The following PAK3 variants were observed in gnomAD, a reference collection of about 807,000 sequenced individuals.
PAK3 encodes the protein serine/threonine-protein kinase PAK 3.
In PAK3, 4 loss-of-function variants were observed where a neutral mutation model predicts 41.0. The observed-to-expected ratio is 0.10, with a 90% CI of 0.05 to 0.22. The LOEUF (loss-of-function observed/expected upper bound fraction) is 0.22. Among genes scored for constraint, PAK3 ranks in the 10% least tolerant of loss-of-function variants. The pLI is 1.00. For missense variants in PAK3, 205 were observed against 409.9 expected (o/e 0.50, Z 4.32); for synonymous variants, 146 against 139.6 (o/e 1.05, Z -0.32).
At chrX:111,120,812 T>C (rs1313040034) in intron 4 of PAK3, among the ~76,000 whole-genome samples, 2 of 112,204 alleles carry the variant, frequency 1.8e-5, no homozygotes, top group Non-Finnish European at 3.8e-5. Flanking sequence ...TATACATATT[T>C]ATGTAATAAT....
intron 1 of PAK3, among the ~76,000 whole-genome samples, chrX:111,071,189 C>A (rs2092741376): frequency 8.9e-6 from 1 of 111,998 alleles, no homozygotes; most frequent in Non-Finnish European, 1.9e-5. Context: ...TCCTTGCTTA[C>A]ACCATTCAGC....
At chrX:110,966,426 A>G (rs746985353) in intron 1 of PAK3, among the ~76,000 whole-genome samples, 15 of 110,607 alleles carry the variant, frequency 1.4e-4, no homozygotes, top group African/African-American at 4.9e-4. Flanking sequence ...AAAGGGAGGG[A>G]CTCAAAAAAG....
chrX:111,167,048 T>TAA (rs774476640), intron 10 of PAK3, among the ~76,000 whole-genome samples: 1 of 111,819 alleles, frequency 8.9e-6, no homozygotes, highest in East Asian at 2.8e-4. Flanking sequence ...CTAAATAAGT[T>TAA]AAAGTATATA....
At chrX:111,210,573 A>G (rs935314272) in intron 16 of PAK3, among the ~76,000 whole-genome samples, 8 of 111,884 alleles carry the variant, frequency 7.2e-5, no homozygotes, top group African/African-American at 2.6e-4. Context: ...GAGCTTTAAT[A>G]CTTATGTATA....
chrX:111,137,860 G>C (rs772226370), intron 5 of PAK3, among the ~76,000 whole-genome samples: 7 of 111,456 alleles, frequency 6.3e-5, no homozygotes, highest in Non-Finnish European at 1.3e-4. Flanking sequence ...TTGGACTTCT[G>C]CTCTCTGCAA....
At position 111,225,722 on chromosome X, in the gene PAK3, G is replaced by A. The variant is rs1157149472; in HGVS notation, c.*5275G>A. The A allele has an allele frequency of 8.9e-6, 1 of 111,820 alleles. No homozygotes were observed. Among genetic ancestry groups the A allele is most frequent in the African/African-American group, 3.3e-5 (1 of 30,689 alleles). The allele number at this position is 111,820 out of a possible 1,213,427, so 9.2% of individuals were successfully genotyped here. A position where few individuals can be genotyped will look rare whatever the true frequency, so the allele number is the denominator to read the frequency against. On this transcript the variant is annotated 3_prime_UTR_variant, in exon 18 of 18. Coordinates refer to ENST00000372007, the MANE Select transcript of PAK3 (RefSeq NM_002578.5). ...CCTCATCTGTAAAATAAGTGTATTG[G>A]ACTAGATGATCCTTAGGGTCTTTCC...
At chrX:111,091,521 C>T (rs1395410275), upstream of PAK3, among the ~76,000 whole-genome samples, 1 of 112,010 alleles carries the variant, frequency 8.9e-6, no homozygotes, top group Non-Finnish European at 1.9e-5. Context: ...CCTGGGTTTC[C>T]TGATTTCCAG....
chrX:111,022,820 A>C (rs969805260), intron 1 of PAK3, among the ~76,000 whole-genome samples: 2 of 111,076 alleles, frequency 1.8e-5, no homozygotes, highest in Admixed American at 9.6e-5. Flanking sequence ...ATTCACATAA[A>C]CTTAAGGTAA....
Position 110,951,892 on chromosome X carries a change from A to T in PAK3, c.-28+7264A>T, listed in dbSNP as rs943795545. Among the ~76,000 whole-genome samples the T allele has an allele frequency of 2.7e-5, 3 of 112,187 alleles. No homozygotes were observed. The Admixed American group carries it at 2.8e-4, about 11-fold the overall frequency. ...CTTTAGAGCTCTATCTCATCTTAAG[A>T]CACTTGGAAAAAATCTACTGCTGCA... On this transcript the variant is annotated intron_variant, in intron 1 of 14. Coordinates refer to the PAK3 transcript ENST00000425146.
At chrX:111,169,217 A>G in intron 10 of PAK3, 1 of 221,477 alleles carries the variant, frequency 4.5e-6, no homozygotes, top group South Asian at 7.0e-5. Context: ...CTAAAAGGCA[A>G]TATCAAATAC....
intron 1 of PAK3, among the ~76,000 whole-genome samples, chrX:111,023,757 A>G (rs1377646936): frequency 9.0e-6 from 1 of 111,452 alleles, no homozygotes; most frequent in Non-Finnish European, 1.9e-5. Context: ...TTTTTCTTGT[A>G]AATGTGTTTA....
At chrX:111,193,074 C>G (rs1349217767) in intron 13 of PAK3, among the ~76,000 whole-genome samples, 1 of 111,575 alleles carries the variant, frequency 9.0e-6, no homozygotes, top group Non-Finnish European at 1.9e-5. Context: ...TAATTAATGT[C>G]TCTTTATCAG....
At position 111,045,089 on chromosome X, in the gene PAK3, C is replaced by G. The variant is rs186354264; in HGVS notation, c.-27-77988C>G. 1.8e-3 allele frequency among the ~76,000 whole-genome samples: 197 copies of G among 112,191 alleles called. 2 individuals carry two copies. Among genetic ancestry groups the G allele is most frequent in the African/African-American group, 6.1e-3 (190 of 30,919 alleles). On this transcript the variant is annotated intron_variant, in intron 1 of 14. Coordinates refer to the PAK3 transcript ENST00000425146. ...CTCCCCAAATGAAATTGACTTCCATCTTAGAGCTTAGGTACTGTTAGCTAT... is the reference window on the plus strand; with the variant it reads ...CTCCCCAAATGAAATTGACTTCCATGTTAGAGCTTAGGTACTGTTAGCTAT...
At chrX:111,202,141 T>A (rs965267528) in intron 16 of PAK3, among the ~76,000 whole-genome samples, 4 of 111,627 alleles carry the variant, frequency 3.6e-5, no homozygotes, top group Non-Finnish European at 7.5e-5. Context: ...GTGTCTCTGT[T>A]GTATCAGTTC....
At position 111,224,042 on chromosome X, in the gene PAK3, G is replaced by C. The variant is rs1186783223; in HGVS notation, c.*3595G>C. On this transcript the variant is annotated 3_prime_UTR_variant, in exon 18 of 18. Coordinates refer to ENST00000372007, the MANE Select transcript of PAK3 (RefSeq NM_002578.5). Reference sequence around the variant, plus strand: ...ACACATAGAAAAGATGCCAGAAGCAGATGCCTTCTGGCCAGAGCGCAGAGC... The same window carrying C: ...ACACATAGAAAAGATGCCAGAAGCACATGCCTTCTGGCCAGAGCGCAGAGC... The C allele has an allele frequency of 1.8e-5, 2 of 112,071 alleles. No homozygotes were observed. Among genetic ancestry groups the C allele is most frequent in the Non-Finnish European group, 3.8e-5 (2 of 53,227 alleles). 9.2% of individuals were successfully genotyped at this position (112,071 alleles called of 1,213,427 possible).
intron 16 of PAK3, among the ~76,000 whole-genome samples, chrX:111,213,915 C>T (rs2094847722): frequency 8.9e-6 from 1 of 112,096 alleles, no homozygotes; most frequent in African/African-American, 3.2e-5. Flanking sequence ...TTTCTAAAAG[C>T]ATCCCATCTC....
At chrX:111,122,198 G>C (rs2093584791) in intron 4 of PAK3, among the ~76,000 whole-genome samples, 1 of 97,876 alleles carries the variant, frequency 1.0e-5, no homozygotes, top group Non-Finnish European at 2.0e-5. Flanking sequence ...GGAGCTTGCA[G>C]TGAGCCGAGA....
At chrX:111,164,479 G>T (rs752868869) in intron 10 of PAK3, among the ~76,000 whole-genome samples, 1 of 111,103 alleles carries the variant, frequency 9.0e-6, no homozygotes, top group Admixed American at 9.6e-5. Flanking sequence ...TGCCTCCTCA[G>T]AAGATGTTGC....
intron 1 of PAK3, among the ~76,000 whole-genome samples, chrX:111,044,519 G>A (rs1167557799): frequency 8.9e-6 from 1 of 111,828 alleles, no homozygotes; most frequent in Non-Finnish European, 1.9e-5. Flanking sequence ...AAGTACCCTG[G>A]TCACTCCTGG....
Sources: allele counts gnomAD v4.1 joint callset (sites outside exome capture counted in the v4.1 genomes callset), GRCh38; gene constraint gnomAD v4.1.1; transcripts MANE v1.5; gene names NCBI Gene and HGNC (gene_info 2026-07-23, HGNC 2026-07-21).